Variants in LRRC4C observed in about 807,000 individuals in gnomAD.
LRRC4C encodes leucine rich repeat containing 4C.
Under a neutral mutation model 33.6 loss-of-function variants are expected in LRRC4C, and 5 were observed. That is an observed-to-expected ratio of 0.15 (90% CI 0.08 to 0.31). The LOEUF (loss-of-function observed/expected upper bound fraction) is 0.31, where lower values mean the gene tolerates loss of function less well. Ranked by LOEUF, LRRC4C falls within the 10% of genes least tolerant of loss-of-function variation. The pLI is 1.00. For missense variants in LRRC4C, 560 were observed against 796.7 expected, an observed-to-expected ratio of 0.70 and a Z score of 3.58; for synonymous variants, 329 against 302.0, an observed-to-expected ratio of 1.09 and a Z score of -0.93.
intron 1 of LRRC4C, among the ~76,000 whole-genome samples, chr11:41,092,550 C>T (rs1210775637): frequency 6.6e-6 from 1 of 152,176 alleles, no homozygotes; most frequent in Non-Finnish European, 1.5e-5. Flanking sequence ...TAATCCTAGG[C>T]ATTCTCTTGA....
intron 3 of LRRC4C, among the ~76,000 whole-genome samples, chr11:40,459,694 A>G (rs985392298): frequency 2.6e-5 from 4 of 152,154 alleles, no homozygotes; most frequent in Non-Finnish European, 5.9e-5. Context: ...AAAGAAGAAC[A>G]AGGGTGATGA....
chr11:40,256,229 A>G (rs1324179444), intron 4 of LRRC4C, among the ~76,000 whole-genome samples: 1 of 152,178 alleles, frequency 6.6e-6, no homozygotes, highest in Non-Finnish European at 1.5e-5. Context: ...TTGTGGAAAG[A>G]TCCTAGCTTG....
intron 1 of LRRC4C, among the ~76,000 whole-genome samples, chr11:40,952,018 C>T (rs1336778671): frequency 1.3e-5 from 2 of 151,634 alleles, no homozygotes; most frequent in African/African-American, 4.8e-5. Context: ...TTTATTATAT[C>T]TGTGAAATAT....
intron 5 of LRRC4C, among the ~76,000 whole-genome samples, chr11:40,208,948 CGTGTGTGTGTGT>C (rs58767227): frequency 7.5e-5 from 11 of 146,742 alleles, no homozygotes; most frequent in African/African-American, 2.5e-4. Context: ...CTTTTGTGCA[CGTGTGTGTGTGT>C]GTGTGTGTGT....
intron 3 of LRRC4C, among the ~76,000 whole-genome samples, chr11:40,578,068 T>G (rs1180104711): frequency 4.0e-5 from 6 of 150,444 alleles, no homozygotes; most frequent in Non-Finnish European, 7.4e-5. Flanking sequence ...TCTCCTGACC[T>G]TGTGATCCAC....
At chr11:40,600,035 T>C (rs1959818701) in intron 3 of LRRC4C, among the ~76,000 whole-genome samples, 1 of 152,190 alleles carries the variant, frequency 6.6e-6, no homozygotes, top group Admixed American at 6.5e-5. Flanking sequence ...TCTCATATAG[T>C]ACAGGAATGA....
intron 1 of LRRC4C, among the ~76,000 whole-genome samples, chr11:41,005,742 A>G (rs994848668): frequency 6.6e-6 from 1 of 152,184 alleles, no homozygotes; most frequent in African/African-American, 2.4e-5. Context: ...CCTCACTAGA[A>G]GCAGATATTT....
At chr11:40,294,557 G>C (rs541738825) in intron 4 of LRRC4C, among the ~76,000 whole-genome samples, 1 of 152,192 alleles carries the variant, frequency 6.6e-6, no homozygotes, top group South Asian at 2.1e-4. Context: ...AGCCGGGCGC[G>C]GTGTCTCACG....
intron 2 of LRRC4C, among the ~76,000 whole-genome samples, chr11:40,909,155 T>C (rs899779530): frequency 7.2e-5 from 11 of 152,176 alleles, no homozygotes; most frequent in Non-Finnish European, 1.6e-4. Context: ...ATAATTATCT[T>C]GCTTTCGTGC....
chr11:40,646,751 C>A (rs1041303835), intron 3 of LRRC4C, among the ~76,000 whole-genome samples: 1 of 152,096 alleles, frequency 6.6e-6, no homozygotes, highest in East Asian at 1.9e-4. Flanking sequence ...GGACTACAGG[C>A]GCCCACCACC....
intron 2 of LRRC4C, among the ~76,000 whole-genome samples, chr11:40,656,628 T>C (rs936942718): frequency 2.6e-5 from 4 of 152,182 alleles, no homozygotes; most frequent in African/African-American, 9.7e-5. Context: ...TTACAAACCT[T>C]CTGTTCCTTT....
intron 1 of LRRC4C, among the ~76,000 whole-genome samples, chr11:41,424,627 A>G (rs1954977888): frequency 6.6e-6 from 1 of 152,090 alleles, no homozygotes; most frequent in Non-Finnish European, 1.5e-5. Context: ...GAGTACATTG[A>G]TAAAGCAAAA....
intron 2 of LRRC4C, among the ~76,000 whole-genome samples, chr11:40,742,007 C>T (rs143451035): frequency 1.0e-3 from 154 of 152,034 alleles, no homozygotes; most frequent in African/African-American, 3.6e-3. Context: ...CCATATTTTA[C>T]TTCTAACAAT....
intron 3 of LRRC4C, among the ~76,000 whole-genome samples, chr11:40,391,835 C>A (rs535330490): frequency 5.9e-5 from 9 of 152,140 alleles, no homozygotes; most frequent in Non-Finnish European, 5.9e-5. Flanking sequence ...CACATAAAAA[C>A]CTGTCTGCGA....
At chr11:40,348,951 T>C (rs2137066841) in intron 3 of LRRC4C, among the ~76,000 whole-genome samples, 1 of 152,310 alleles carries the variant, frequency 6.6e-6, no homozygotes, top group African/African-American at 2.4e-5. Flanking sequence ...TTTTTATGTG[T>C]ACATAGTAGG....
intron 2 of LRRC4C, among the ~76,000 whole-genome samples, chr11:40,783,061 T>C (rs1950277786): frequency 6.6e-6 from 1 of 152,142 alleles, no homozygotes; most frequent in Admixed American, 6.5e-5. Flanking sequence ...AACAACATAT[T>C]ATTGGTTCAT....
At chr11:40,493,330 T>C (rs188257403) in intron 3 of LRRC4C, among the ~76,000 whole-genome samples, 1 of 152,262 alleles carries the variant, frequency 6.6e-6, no homozygotes, top group East Asian at 1.9e-4. Flanking sequence ...AAAATATACC[T>C]GTGTAATCTA....
chr11:40,464,665 A>T (rs1287728358), intron 3 of LRRC4C, among the ~76,000 whole-genome samples: 1 of 152,088 alleles, frequency 6.6e-6, no homozygotes, highest in African/African-American at 2.4e-5. Context: ...ATTGAGTAGC[A>T]TATCTATACA....
chr11:40,160,107 T>G (rs534850482), intron 5 of LRRC4C, among the ~76,000 whole-genome samples: 1 of 151,924 alleles, frequency 6.6e-6, no homozygotes, highest in African/African-American at 2.4e-5. Flanking sequence ...ACAATGGAGG[T>G]GGTCATCCGT....
Sources: gnomAD v4.1 joint callset for allele counts (sites outside exome capture counted in the v4.1 genomes callset) on GRCh38, gnomAD v4.1.1 for gene constraint, MANE v1.5 for transcripts, NCBI Gene and HGNC (gene_info 2026-07-23, HGNC 2026-07-21) for gene names.